Variants in CTNNA2 observed in about 807,000 individuals in gnomAD.
The protein encoded by CTNNA2 is catenin alpha-2.
A neutral mutation model predicts 101.0 loss-of-function variants in CTNNA2; 42 were observed. The observed-to-expected ratio is 0.42, with a 90% CI of 0.32 to 0.54. CTNNA2 has a LOEUF of 0.54. CTNNA2 is among the 20% of genes least tolerant of loss of function. The pLI is 0.14. For missense variants in CTNNA2, 871 were observed against 1,223.1 expected, an observed-to-expected ratio of 0.71 and a Z score of 4.29; for synonymous variants, 450 against 456.4, an observed-to-expected ratio of 0.99 and a Z score of 0.18.
At chr2:80,512,354 T>C (rs1160261530) in intron 9 of CTNNA2, among the ~76,000 whole-genome samples, 2 of 152,090 alleles carry the variant, frequency 1.3e-5, no homozygotes, top group Non-Finnish European at 2.9e-5. Context: ...TGCTGGGTAG[T>C]TCACAAAAGC....
chr2:79,739,316 G>A (rs569532519), intron 2 of CTNNA2, among the ~76,000 whole-genome samples: 125 of 152,130 alleles, frequency 8.2e-4, no homozygotes, highest in Middle Eastern at 3.5e-3. Context: ...GCTTACAAAG[G>A]GGTTTCTCTG....
At chr2:79,753,929 C>T (rs1558899801) in intron 3 of CTNNA2, among the ~76,000 whole-genome samples, 2 of 143,732 alleles carry the variant, frequency 1.4e-5, no homozygotes, top group Non-Finnish European at 3.0e-5. Context: ...AGTGCAGCGG[C>T]GTCATCTTGG....
At chr2:80,003,427 A>G (rs1483747243) in intron 7 of CTNNA2, among the ~76,000 whole-genome samples, 1 of 152,158 alleles carries the variant, frequency 6.6e-6, no homozygotes, top group Non-Finnish European at 1.5e-5. Context: ...TGCATACCTC[A>G]ATGCAAAGCC....
intron 9 of CTNNA2, among the ~76,000 whole-genome samples, chr2:80,527,428 C>T (rs114242650): frequency 0.014 from 2,068 of 152,222 alleles, 43 homozygotes; most frequent in African/African-American, 0.048. Flanking sequence ...TCTGTGTATC[C>T]GGGGTGAGGC....
intron 7 of CTNNA2, among the ~76,000 whole-genome samples, chr2:80,285,714 A>G (rs1674707946): frequency 1.3e-5 from 2 of 152,186 alleles, no homozygotes; most frequent in African/African-American, 4.8e-5. Flanking sequence ...TTCATCAGAT[A>G]ATCAAAGTCT....
intron 13 of CTNNA2, 70 bp downstream of exon 13, chr2:80,574,384 A>C: frequency 7.0e-7 from 1 of 1,434,682 alleles, no homozygotes; most frequent in Non-Finnish European, 9.2e-7. Context: ...TAACTGTCTT[A>C]TTTATTATTT....
At chr2:79,418,970 T>C (rs1053971407) in intron 4 of CTNNA2, among the ~76,000 whole-genome samples, 20 of 152,176 alleles carry the variant, frequency 1.3e-4, no homozygotes, top group Non-Finnish European at 1.0e-4. Context: ...CAATTAGGCA[T>C]ACCATCCTAG....
chr2:79,828,743 A>G (rs184231752), intron 3 of CTNNA2, among the ~76,000 whole-genome samples: 80 of 152,364 alleles, frequency 5.3e-4, no homozygotes, highest in African/African-American at 1.9e-3. Flanking sequence ...TTTTCAATGC[A>G]TGCTTCTTCA....
At chr2:80,633,175 C>T (rs567052218) in intron 18 of CTNNA2, among the ~76,000 whole-genome samples, 57 of 152,202 alleles carry the variant, frequency 3.7e-4, no homozygotes, top group African/African-American at 1.3e-3. Flanking sequence ...CACATCATTT[C>T]GTGGTGTGTG....
intron 9 of CTNNA2, among the ~76,000 whole-genome samples, chr2:80,489,127 T>G (rs1044860656): frequency 4.6e-5 from 7 of 152,118 alleles, no homozygotes; most frequent in Admixed American, 2.0e-4. Flanking sequence ...AGATTTCCCA[T>G]TTGAATGAGG....
chr2:80,368,888 G>A (rs1035031337), intron 7 of CTNNA2, among the ~76,000 whole-genome samples: 2 of 123,410 alleles, frequency 1.6e-5, no homozygotes, highest in East Asian at 3.0e-4. Flanking sequence ...TATATATTTG[G>A]CACGCTAGGC....
intron 2 of CTNNA2, among the ~76,000 whole-genome samples, chr2:79,675,454 CAG>C (rs148393069): frequency 0.017 from 2,604 of 152,262 alleles, 79 homozygotes; most frequent in African/African-American, 0.059. Context: ...GGACATGACT[CAG>C]AAACACTTTC....
At chr2:80,506,108 A>C (rs1374336480) in intron 9 of CTNNA2, among the ~76,000 whole-genome samples, 1 of 152,192 alleles carries the variant, frequency 6.6e-6, no homozygotes, top group Non-Finnish European at 1.5e-5. Context: ...TGATTTACAG[A>C]TACAGTGCAT....
intron 7 of CTNNA2, among the ~76,000 whole-genome samples, chr2:80,318,227 A>G (rs1198517008): frequency 6.6e-6 from 1 of 152,214 alleles, no homozygotes; most frequent in Non-Finnish European, 1.5e-5. Flanking sequence ...CCAGAAGTCC[A>G]TATTAATCCC....
chr2:79,225,152 T>C (rs1373599567), intron 2 of CTNNA2, among the ~76,000 whole-genome samples: 1 of 152,168 alleles, frequency 6.6e-6, no homozygotes, highest in African/African-American at 2.4e-5. Context: ...GTAGTGGAAC[T>C]GCTAGGTCAC....
Position 79,401,979 on chromosome 2 carries a change from G to C in CTNNA2, c.-135+27966G>C, listed in dbSNP as rs572952706. Among the ~76,000 whole-genome samples, 24 of 151,644 alleles carry C rather than the reference G, an allele frequency of 1.6e-4. No homozygotes were observed. In the South Asian group the frequency reaches 5.0e-3, roughly 32 times the overall value. On this transcript the variant is annotated intron_variant, in intron 4 of 21. Transcript: ENST00000466387. ...TAAAATGCTAGGAAAAAAGATATAT[G>C]ATTCATTAGTACCCAAATAGCCATG...
intron 2 of CTNNA2, among the ~76,000 whole-genome samples, chr2:79,253,490 T>C (rs1219132532): frequency 1.3e-5 from 2 of 152,188 alleles, no homozygotes; most frequent in African/African-American, 2.4e-5. Context: ...CCAGGGTTAA[T>C]ATTACAATTT....
At chr2:80,164,998 A>G (rs1369221702) in intron 7 of CTNNA2, among the ~76,000 whole-genome samples, 4 of 139,198 alleles carry the variant, frequency 2.9e-5, no homozygotes, top group African/African-American at 1.1e-4. Flanking sequence ...TCGGAAGTGT[A>G]AAAGTGGTGT....
chr2:79,788,458 G>T (rs556474147), intron 3 of CTNNA2, among the ~76,000 whole-genome samples: 45 of 152,244 alleles, frequency 3.0e-4, no homozygotes, highest in African/African-American at 8.9e-4. Flanking sequence ...AATAAATTCA[G>T]TTATAAATAT....
Sources: allele counts gnomAD v4.1 joint callset (sites outside exome capture counted in the v4.1 genomes callset), GRCh38; gene constraint gnomAD v4.1.1; transcripts MANE v1.5; gene names NCBI Gene and HGNC (gene_info 2026-07-23, HGNC 2026-07-21).